PPM1H: variants seen among roughly 807,000 people sequenced by gnomAD.
The protein encoded by PPM1H is protein phosphatase, Mg2+/Mn2+ dependent 1H.
PPM1H carries 27 observed loss-of-function variants against 54.9 expected under a neutral mutation model. The ratio of observed to expected loss-of-function variants is 0.49; its 90% confidence interval spans 0.36 to 0.68. PPM1H has a LOEUF of 0.68. PPM1H is among the 30% of genes least tolerant of loss of function. The probability of loss-of-function intolerance (pLI) is 0.00; values close to 1 mark genes in which losing one functional copy is unlikely to be tolerated. For missense variants in PPM1H, 596 were observed against 667.8 expected (o/e 0.89, Z 1.19); for synonymous variants, 305 against 270.8 (o/e 1.13, Z -1.24).
intron 2 of PPM1H, among the ~76,000 whole-genome samples, chr12:62,804,892 G>A (rs2076797318): frequency 6.6e-6 from 1 of 151,592 alleles, no homozygotes; most frequent in Admixed American, 6.6e-5. Flanking sequence ...AGCTGGGATG[G>A]TCTCGATCTC....
chr12:62,814,629 T>C (rs1041702385), intron 2 of PPM1H, among the ~76,000 whole-genome samples: 1 of 152,226 alleles, frequency 6.6e-6, no homozygotes, highest in African/African-American at 2.4e-5. Flanking sequence ...GCTTATTTAA[T>C]ATTATTCTTC....
intron 9 of PPM1H, among the ~76,000 whole-genome samples, chr12:62,660,069 C>T (rs942445232): frequency 6.6e-6 from 1 of 152,202 alleles, no homozygotes; most frequent in African/African-American, 2.4e-5. Context: ...CTTTCCTCAT[C>T]ACAGAAATTA....
intron 6 of PPM1H, among the ~76,000 whole-genome samples, chr12:62,703,948 C>A (rs1400208192): frequency 1.3e-5 from 2 of 149,734 alleles, no homozygotes; most frequent in African/African-American, 5.0e-5. Flanking sequence ...AGCTCTTCCC[C>A]CCTCACTACA....
At chr12:62,790,976 G>A (rs1476041382) in intron 3 of PPM1H, among the ~76,000 whole-genome samples, 1 of 152,190 alleles carries the variant, frequency 6.6e-6, no homozygotes, top group Non-Finnish European at 1.5e-5. Flanking sequence ...AACATTGAGA[G>A]CGGTGGCCTT....
chr12:62,913,989 C>T (rs1871543530), intron 1 of PPM1H, among the ~76,000 whole-genome samples: 1 of 152,166 alleles, frequency 6.6e-6, no homozygotes, highest in African/African-American at 2.4e-5. Flanking sequence ...CGTGAGCAAC[C>T]ATGCCTGGCC....
At chr12:62,652,519 C>T (rs561425484) in intron 9 of PPM1H, among the ~76,000 whole-genome samples, 10 of 152,314 alleles carry the variant, frequency 6.6e-5, no homozygotes, top group Non-Finnish European at 1.3e-4. Flanking sequence ...CATATATACA[C>T]ACACATATGA....
At position 62,799,916 on chromosome 12, in the gene PPM1H, T is replaced by G. The variant is rs140276602; in HGVS notation, c.756+1900A>C. On this transcript the variant is annotated intron_variant, in intron 3 of 9. Transcript: ENST00000228705. ...TCACCACATTGACACTGAACCCACA[T>G]GACAGCTCAGAACTCCTGGGCTCAA... Among the ~76,000 whole-genome samples, 276 of 152,254 alleles carry G rather than the reference T, an allele frequency of 1.8e-3. 2 individuals are homozygous for G. Among genetic ancestry groups the G allele is most frequent in the Non-Finnish European group, 3.4e-3 (230 of 68,010 alleles).
intron 1 of PPM1H, among the ~76,000 whole-genome samples, chr12:62,891,979 T>C (rs919402407): frequency 1.3e-5 from 2 of 152,128 alleles, no homozygotes; most frequent in Non-Finnish European, 2.9e-5. Context: ...TAAGAACTCT[T>C]AGGAATTGTT....
chr12:62,788,695 C>T (rs1036701259), intron 3 of PPM1H, among the ~76,000 whole-genome samples: 2 of 152,172 alleles, frequency 1.3e-5, no homozygotes, highest in Non-Finnish European at 2.9e-5. Flanking sequence ...ACTAGAGAGG[C>T]TGAGGATGAC....
At chr12:62,671,834 C>A (rs1195566662) in intron 8 of PPM1H, among the ~76,000 whole-genome samples, 1 of 152,156 alleles carries the variant, frequency 6.6e-6, no homozygotes, top group Non-Finnish European at 1.5e-5. Context: ...CAAAGCAACC[C>A]TAAGGAGGAC....
intron 1 of PPM1H, among the ~76,000 whole-genome samples, chr12:62,874,806 G>T (rs1870103928): frequency 6.6e-6 from 1 of 152,208 alleles, no homozygotes; most frequent in South Asian, 2.1e-4. Flanking sequence ...CGTTTATATA[G>T]CTTCCGTGCT....
At chr12:62,795,159 G>T (rs1317976278) in intron 3 of PPM1H, among the ~76,000 whole-genome samples, 1 of 152,138 alleles carries the variant, frequency 6.6e-6, no homozygotes, top group Non-Finnish European at 1.5e-5. Flanking sequence ...TGCTCTCAAA[G>T]AAGCTTATAG....
At chr12:62,754,208 T>C (rs1592580985) in intron 4 of PPM1H, among the ~76,000 whole-genome samples, 6 of 152,058 alleles carry the variant, frequency 3.9e-5, no homozygotes, top group Non-Finnish European at 2.9e-5. Context: ...GCAAATCAGG[T>C]ATAATTTTTT....
At chr12:62,881,917 T>C (rs542713185) in intron 1 of PPM1H, among the ~76,000 whole-genome samples, 4 of 152,276 alleles carry the variant, frequency 2.6e-5, no homozygotes, top group African/African-American at 9.6e-5. Flanking sequence ...GAAGCTTCTA[T>C]GATGGACATG....
intron 4 of PPM1H, among the ~76,000 whole-genome samples, chr12:62,758,209 T>C (rs73127964): frequency 0.012 from 1,806 of 152,346 alleles, 31 homozygotes; most frequent in Non-Finnish European, 0.015. Flanking sequence ...GATCTCTTTC[T>C]TGGAAATCAA....
chr12:62,692,776 G>T (rs1412835500), intron 7 of PPM1H, among the ~76,000 whole-genome samples: 1 of 152,150 alleles, frequency 6.6e-6, no homozygotes, highest in Non-Finnish European at 1.5e-5. Flanking sequence ...TCATTTTCAT[G>T]AATGGGGTAT....
intron 1 of PPM1H, among the ~76,000 whole-genome samples, chr12:62,868,215 A>G (rs1421879954): frequency 6.6e-6 from 1 of 152,200 alleles, no homozygotes; most frequent in African/African-American, 2.4e-5. Flanking sequence ...AGCCAGGTGT[A>G]TGACACCATG....
At chr12:62,666,046 G>T (rs2075916081) in intron 9 of PPM1H, among the ~76,000 whole-genome samples, 5 of 151,642 alleles carry the variant, frequency 3.3e-5, no homozygotes, top group Admixed American at 3.3e-4. Context: ...AATTTCTGAA[G>T]CATGTTAAAA....
intron 4 of PPM1H, among the ~76,000 whole-genome samples, chr12:62,784,347 T>C (rs2076658963): frequency 6.6e-6 from 1 of 152,164 alleles, no homozygotes; most frequent in South Asian, 2.1e-4. Context: ...CAACATTTCC[T>C]GAATACAACC....
Sources: allele counts gnomAD v4.1 joint callset (sites outside exome capture counted in the v4.1 genomes callset), GRCh38; gene constraint gnomAD v4.1.1; transcripts MANE v1.5; gene names NCBI Gene and HGNC (gene_info 2026-07-23, HGNC 2026-07-21).